Variants in ZDHHC2 observed in about 807,000 individuals in gnomAD.
The protein encoded by ZDHHC2 is palmitoyltransferase ZDHHC2.
Under a neutral mutation model 55.6 loss-of-function variants are expected in ZDHHC2, and 51 were observed. That is an observed-to-expected ratio of 0.92 (90% CI 0.73 to 1.16). The LOEUF is 1.16. ZDHHC2 is among the 50% of genes most tolerant of loss of function. The pLI is 0.00. For missense variants in ZDHHC2, 491 were observed against 442.4 expected (o/e 1.11, Z -0.99); for synonymous variants, 199 against 152.9 (o/e 1.30, Z -2.22).
chr8:17,200,764 A>G (rs942590242), intron 6 of ZDHHC2, among the ~76,000 whole-genome samples: 2 of 152,208 alleles, frequency 1.3e-5, no homozygotes, highest in South Asian at 2.1e-4. Context: ...CAGAAATGAG[A>G]CCCTAGAATT....
chr8:17,181,990 C>T (rs1585674070), intron 1 of ZDHHC2, among the ~76,000 whole-genome samples: 1 of 152,070 alleles, frequency 6.6e-6, no homozygotes, highest in East Asian at 1.9e-4. Flanking sequence ...GACAACTCTG[C>T]CATTAAACTG....
chr8:17,201,101 A>G (rs1045052088), intron 6 of ZDHHC2, among the ~76,000 whole-genome samples: 11 of 152,180 alleles, frequency 7.2e-5, no homozygotes, highest in Admixed American at 7.2e-4. Context: ...TCTATAGGTA[A>G]TAACATGCTT....
intron 1 of ZDHHC2, among the ~76,000 whole-genome samples, chr8:17,175,522 T>G (rs1470625572): frequency 6.6e-6 from 1 of 152,204 alleles, no homozygotes; most frequent in African/African-American, 2.4e-5. Context: ...TTTAGGAAAC[T>G]CCTACTCCTA....
At chr8:17,197,542 AGT>A in intron 4 of ZDHHC2, 38 bp from the exon 5 acceptor site, 1 of 1,519,978 alleles carries the variant, frequency 6.6e-7, no homozygotes, top group Non-Finnish European at 9.0e-7. Flanking sequence ...TTTTCAATTC[AGT>A]GTTAACTCTA....
Position 17,199,645 on chromosome 8 carries a change from TC to T in ZDHHC2, c.476+1234del, listed in dbSNP as rs1166993762. ...TCTTCCTTTCTTCTTCTTCTCCTCC[TC>T]CTCCTCCCTCCTCCCTCCTCCCTCC... On this transcript the variant is annotated intron_variant, in intron 6 of 12. Coordinates refer to ENST00000262096, the MANE Select transcript of ZDHHC2 (RefSeq NM_016353.5). Among the ~76,000 whole-genome samples, 65 of 55,840 alleles carry T rather than the reference TC, an allele frequency of 1.2e-3. 1 individual carries two copies. Among genetic ancestry groups the T allele is most frequent in the Middle Eastern group, 0.016 (1 of 62 alleles). 36.6% of individuals were successfully genotyped at this position (55,840 alleles called of 152,430 possible).
chr8:17,194,687 T>C (rs1463296018), intron 3 of ZDHHC2, among the ~76,000 whole-genome samples: 1 of 152,240 alleles, frequency 6.6e-6, no homozygotes, highest in Non-Finnish European at 1.5e-5. Flanking sequence ...ACTGAGGTTC[T>C]TTCCTTTGCT....
At chr8:17,163,348 A>G (rs1419626297) in intron 1 of ZDHHC2, among the ~76,000 whole-genome samples, 4 of 152,152 alleles carry the variant, frequency 2.6e-5, no homozygotes, top group Non-Finnish European at 4.4e-5. Flanking sequence ...CCCACATCTC[A>G]GGCTGCATGG....
chr8:17,205,274 A>G (rs573541134), intron 6 of ZDHHC2, among the ~76,000 whole-genome samples: 1 of 152,302 alleles, frequency 6.6e-6, no homozygotes, highest in East Asian at 1.9e-4. Context: ...TTGTAACTTA[A>G]TTAATCATAG....
At chr8:17,202,683 G>A (rs959738581) in intron 6 of ZDHHC2, among the ~76,000 whole-genome samples, 4 of 150,538 alleles carry the variant, frequency 2.7e-5, no homozygotes. Context: ...AAGACAGTAA[G>A]GTATTATTCA....
chr8:17,174,389 A>G (rs1376205810), intron 1 of ZDHHC2, among the ~76,000 whole-genome samples: 2 of 152,228 alleles, frequency 1.3e-5, no homozygotes, highest in Non-Finnish European at 2.9e-5. Flanking sequence ...ATTATCACGA[A>G]GACTTGGAAT....
chr8:17,167,524 T>C (rs1322159809), intron 1 of ZDHHC2, among the ~76,000 whole-genome samples: 3 of 152,026 alleles, frequency 2.0e-5, no homozygotes, highest in Non-Finnish European at 4.4e-5. Flanking sequence ...AGGCTGGTCT[T>C]GAACTCCTGA....
intron 1 of ZDHHC2, among the ~76,000 whole-genome samples, chr8:17,174,965 G>A (rs964599609): frequency 1.3e-5 from 2 of 152,000 alleles, no homozygotes; most frequent in African/African-American, 2.4e-5. Flanking sequence ...GGGCTCAAGC[G>A]ATCCAGCTGC....
At chr8:17,211,647 A>T (rs1397291902) in intron 10 of ZDHHC2, among the ~76,000 whole-genome samples, 1 of 152,174 alleles carries the variant, frequency 6.6e-6, no homozygotes, top group African/African-American at 2.4e-5. Flanking sequence ...AGGAATTTAT[A>T]TTTAAAATCC....
At chr8:17,194,167 T>C (rs78973367) in intron 3 of ZDHHC2, among the ~76,000 whole-genome samples, 2 of 152,296 alleles carry the variant, frequency 1.3e-5, no homozygotes, top group Admixed American at 6.5e-5. Context: ...CAGTCTATCA[T>C]TGATGGGCAT....
At chr8:17,210,770 A>G (rs1807342542) in intron 10 of ZDHHC2, among the ~76,000 whole-genome samples, 1 of 152,168 alleles carries the variant, frequency 6.6e-6, no homozygotes, top group Non-Finnish European at 1.5e-5. Flanking sequence ...AGAAAAAAAA[A>G]TGTAAGTCAA....
At chr8:17,161,059 T>A (rs866466564) in intron 1 of ZDHHC2, among the ~76,000 whole-genome samples, 2 of 152,334 alleles carry the variant, frequency 1.3e-5, no homozygotes, top group African/African-American at 2.4e-5. Flanking sequence ...GTTTGAGAGA[T>A]ACGCTGCCAT....
chr8:17,165,120 G>A (rs1258675186), intron 1 of ZDHHC2, among the ~76,000 whole-genome samples: 2 of 152,168 alleles, frequency 1.3e-5, no homozygotes, highest in Admixed American at 6.5e-5. Context: ...CAGCTGAGCT[G>A]GAGCTGTAAT....
At chr8:17,164,565 G>T (rs2150879686) in intron 1 of ZDHHC2, among the ~76,000 whole-genome samples, 1 of 151,610 alleles carries the variant, frequency 6.6e-6, no homozygotes, top group Admixed American at 6.6e-5. Context: ...GTGGTGCAGA[G>T]GAGTTCATCA....
intron 3 of ZDHHC2, among the ~76,000 whole-genome samples, chr8:17,192,133 A>C (rs929720856): frequency 6.6e-6 from 1 of 152,106 alleles, no homozygotes; most frequent in Non-Finnish European, 1.5e-5. Context: ...ACAGGCATGC[A>C]TCACCACGCC....
Sources: gnomAD v4.1 joint callset for allele counts (sites outside exome capture counted in the v4.1 genomes callset) on GRCh38, gnomAD v4.1.1 for gene constraint, MANE v1.5 for transcripts, NCBI Gene and HGNC (gene_info 2026-07-23, HGNC 2026-07-21) for gene names.